TGFBR2: variants seen among roughly 807,000 people sequenced by gnomAD.
TGFBR2 encodes TGF-beta receptor type-2.
TGFBR2 carries 18 observed loss-of-function variants against 49.0 expected under a neutral mutation model. That is an observed-to-expected ratio of 0.37 (90% confidence interval 0.25 to 0.54). The LOEUF (loss-of-function observed/expected upper bound fraction) is 0.54. Among genes scored for constraint, TGFBR2 ranks in the 20% least tolerant of loss-of-function variants. The probability of loss-of-function intolerance (pLI) is 0.85; values close to 1 mark genes in which losing one functional copy is unlikely to be tolerated. For missense variants in TGFBR2, 525 were observed against 722.6 expected, an observed-to-expected ratio of 0.73 and a Z score of 3.13; for synonymous variants, 282 against 275.9, an observed-to-expected ratio of 1.02 and a Z score of -0.22.
chr3:30,668,298 G>C (rs1699277283), intron 3 of TGFBR2, among the ~76,000 whole-genome samples: 1 of 152,206 alleles, frequency 6.6e-6, no homozygotes, highest in Non-Finnish European at 1.5e-5. Context: ...TGTCAGGAGA[G>C]AAGCAATCAG....
chr3:30,611,325 T>C (rs2125443365), intron 1 of TGFBR2, among the ~76,000 whole-genome samples: 1 of 152,338 alleles, frequency 6.6e-6, no homozygotes, highest in East Asian at 1.9e-4. Context: ...TAGTAAAATC[T>C]TTACTTTCAG....
chr3:30,614,973 A>C (rs1053605160), intron 1 of TGFBR2, among the ~76,000 whole-genome samples: 1 of 152,206 alleles, frequency 6.6e-6, no homozygotes, highest in South Asian at 2.1e-4. Context: ...TTCATATATT[A>C]TCCCATTGCA....
chr3:30,691,448 C>T lies in TGFBR2; in HGVS notation c.1553C>T (p.Thr518Ile), dbSNP rs1699707859. Residue 518 changes from threonine to isoleucine, a missense_variant, in exon 7 of 7, where the codon ACT (threonine) becomes ATT (isoleucine). Transcript: ENST00000295754. ...ATCCAGATGGTGTGTGAGACGTTGA[C>T]TGAGTGCTGGGACCACGACCCAGAG... ...QGIQMVCETL[T>I]ECWDHDPEAR... The T allele has an allele frequency of 2.5e-6, 4 of 1,614,088 alleles. No homozygotes were observed. Among genetic ancestry groups the T allele is most frequent in the Non-Finnish European group, 3.4e-6 (4 of 1,179,966 alleles).
At chr3:30,624,610 G>C (rs1835539) in intron 1 of TGFBR2, among the ~76,000 whole-genome samples, 4 of 146,212 alleles carry the variant, frequency 2.7e-5, no homozygotes, top group African/African-American at 1.0e-4. Flanking sequence ...GCAAGACTCC[G>C]TCTCAAAGGA....
At chr3:30,611,230 C>T (rs1698022543) in intron 1 of TGFBR2, among the ~76,000 whole-genome samples, 1 of 152,170 alleles carries the variant, frequency 6.6e-6, no homozygotes. Flanking sequence ...CTGAGCTGAG[C>T]CTCCACTTCA....
chr3:30,627,320 A>G (rs1311698731), intron 1 of TGFBR2, among the ~76,000 whole-genome samples: 2 of 152,134 alleles, frequency 1.3e-5, no homozygotes, highest in Admixed American at 6.5e-5. Context: ...GGTTTCAGAA[A>G]GAGATGCACC....
At chr3:30,620,950 A>G (rs1471263593) in intron 1 of TGFBR2, among the ~76,000 whole-genome samples, 1 of 152,228 alleles carries the variant, frequency 6.6e-6, no homozygotes, top group Non-Finnish European at 1.5e-5. Flanking sequence ...GGAGACTTAA[A>G]TATGAGGCCT....
chr3:30,688,477 G>T lies in TGFBR2; in HGVS notation c.1490G>T (p.Arg497Leu). ...GACAACGTGTTGAGAGATCGAGGGC[G>T]ACCAGAAATTCCCAGCTTCTGGCTC... ...MKDNVLRDRGRPEIPSFWLNH... is the reference protein window; with the variant it reads ...MKDNVLRDRGLPEIPSFWLNH... The change falls in exon 6 of 7, where the codon CGA becomes CTA. Residue 497 changes from arginine (R) to leucine (L), a missense_variant. This residue lies in a region of TGFBR2 where 104 missense variants were observed against 133.4 expected (regional missense o/e 0.78). Coordinates refer to ENST00000295754, the MANE Select transcript of TGFBR2 (RefSeq NM_003242.6). 2 of 1,614,230 alleles carry T rather than the reference G, an allele frequency of 1.2e-6. No individual in the cohort carries two copies. The highest frequency in any genetic ancestry group is 1.3e-5 in the African/African-American group (1 of 75,078).
chr3:30,629,376 T>C (rs1698395395), intron 1 of TGFBR2, among the ~76,000 whole-genome samples: 1 of 152,226 alleles, frequency 6.6e-6, no homozygotes, highest in South Asian at 2.1e-4. Context: ...TCCACTTTCA[T>C]GAACCAGCTC....
At chr3:30,661,355 C>T (rs1165785387) in intron 3 of TGFBR2, among the ~76,000 whole-genome samples, 3 of 152,178 alleles carry the variant, frequency 2.0e-5, no homozygotes, top group Non-Finnish European at 4.4e-5. Context: ...ACCTTGTAGG[C>T]ACCCTCCTAA....
Position 30,606,784 on chromosome 3 carries a change from G to T in TGFBR2, c.-100G>T. On this transcript the variant is annotated 5_prime_UTR_variant, in exon 1 of 7. Transcript: ENST00000295754. The stretch of plus-strand genomic sequence containing the variant: ...ACATCTGCGCTGCCGGCCCGGCGCG[G>T]GGTCCGGAGAGGGCGCGGCGCGGAG... 4.6e-6 allele frequency: 4 copies of T among 869,210 alleles called. No homozygotes were observed. Among genetic ancestry groups the T allele is most frequent in the Non-Finnish European group, 6.2e-6 (4 of 640,916 alleles). The allele number at this position is 869,210 out of a possible 1,614,324, so 53.8% of individuals were successfully genotyped here.
chr3:30,623,683 T>C (rs777278872), intron 1 of TGFBR2, among the ~76,000 whole-genome samples: 17 of 152,240 alleles, frequency 1.1e-4, no homozygotes, highest in Non-Finnish European at 2.2e-4. Flanking sequence ...TCTGCAGTCC[T>C]GTAGTTTTGC....
At chr3:30,648,652 T>A (rs914421905) in intron 2 of TGFBR2, among the ~76,000 whole-genome samples, 1 of 152,138 alleles carries the variant, frequency 6.6e-6, no homozygotes, top group African/African-American at 2.4e-5. Context: ...ATTCTGCTTG[T>A]CACTCTTCCT....
chr3:30,655,930 G>A (rs1322932346), intron 3 of TGFBR2, among the ~76,000 whole-genome samples: 2 of 152,114 alleles, frequency 1.3e-5, no homozygotes, highest in Non-Finnish European at 2.9e-5. Context: ...AGGATCACCC[G>A]GGAGCTTATT....
At chr3:30,666,536 G>A (rs968538522) in intron 3 of TGFBR2, among the ~76,000 whole-genome samples, 1 of 152,026 alleles carries the variant, frequency 6.6e-6, no homozygotes, top group Non-Finnish European at 1.5e-5. Context: ...TCGGTGGATG[G>A]CTGTAAAATC....
At chr3:30,624,079 G>A (rs1305973120) in intron 1 of TGFBR2, among the ~76,000 whole-genome samples, 2 of 152,066 alleles carry the variant, frequency 1.3e-5, no homozygotes, top group Non-Finnish European at 2.9e-5. Context: ...GGAGGTGGAG[G>A]TTGCAGTGAG....
intron 5 of TGFBR2, 97 bp from the exon 6 acceptor site, chr3:30,688,287 T>C (rs1575165086): frequency 6.6e-7 from 1 of 1,511,124 alleles, no homozygotes; most frequent in East Asian, 2.3e-5. Flanking sequence ...TGTTACTTAG[T>C]GCTTCATGCT....
intron 1 of TGFBR2, among the ~76,000 whole-genome samples, chr3:30,636,663 T>C (rs1698538794): frequency 6.6e-6 from 1 of 152,094 alleles, no homozygotes; most frequent in South Asian, 2.1e-4. Flanking sequence ...GGCCAAATAA[T>C]GTTTGATTCT....
At chr3:30,636,881 G>T (rs930969026) in intron 1 of TGFBR2, among the ~76,000 whole-genome samples, 1 of 151,996 alleles carries the variant, frequency 6.6e-6, no homozygotes, top group East Asian at 1.9e-4. Flanking sequence ...TGGCTAACAC[G>T]GTGAAACCCC....
Sources: gnomAD v4.1 joint callset for allele counts (sites outside exome capture counted in the v4.1 genomes callset) on GRCh38, gnomAD v4.1.1 for gene constraint, gnomAD v4.1.1 regional missense constraint, MANE v1.5 for transcripts, NCBI Gene and HGNC (gene_info 2026-07-23, HGNC 2026-07-21) for gene names.